The following NFATC1 variants were observed in gnomAD, a reference collection of about 807,000 sequenced individuals.
The protein encoded by NFATC1 is nuclear factor of activated T-cells, cytoplasmic 1.
NFATC1 carries 22 observed loss-of-function variants against 76.0 expected under a neutral mutation model. The observed-to-expected ratio is 0.29, with a 90% confidence interval of 0.21 to 0.41. The LOEUF (loss-of-function observed/expected upper bound fraction) is 0.41. Ranked by LOEUF, NFATC1 falls within the 10% of genes least tolerant of loss-of-function variation. NFATC1 has a pLI of 1.00. For synonymous variants in NFATC1, 704 were observed against 613.1 expected (o/e 1.15, Z -2.19); for missense variants, 1,357 against 1,337.7 (o/e 1.01, Z -0.23).
intron 9 of NFATC1, among the ~76,000 whole-genome samples, chr18:79,503,575 G>A (rs960729213): frequency 2.0e-5 from 3 of 152,178 alleles, no homozygotes; most frequent in African/African-American, 7.2e-5. Context: ...TGGCGCACAG[G>A]CAGAGGAGAT....
At position 79,528,900 on chromosome 18, in the gene NFATC1, T is replaced by G. The variant is rs1473212645; in HGVS notation, c.*1323T>G. On this transcript the variant is annotated 3_prime_UTR_variant, in exon 10 of 10. Coordinates refer to ENST00000427363, the MANE Select transcript of NFATC1 (RefSeq NM_001278669.2). ...TGTTCCATATAACCAAAAAGCATGGTTTATTCATTGAAACACGGTTGACCT... is the reference window on the plus strand; with the variant it reads ...TGTTCCATATAACCAAAAAGCATGGGTTATTCATTGAAACACGGTTGACCT... The G allele has an allele frequency of 6.6e-6, 1 of 152,636 alleles. No homozygotes were observed. The highest frequency in any genetic ancestry group is 1.5e-5 in the Non-Finnish European group (1 of 68,046). 9.5% of individuals were successfully genotyped at this position (152,636 alleles called of 1,614,324 possible). A position where few individuals can be genotyped will look rare whatever the true frequency, so the allele number is the denominator to read the frequency against.
Position 79,486,237 on chromosome 18 carries a change from CCTT to C in NFATC1, c.2093-8_2093-6del. 6.3e-7 allele frequency: 1 copy of C among 1,575,588 alleles called. No homozygotes were observed. The highest frequency in any genetic ancestry group is 8.6e-7 in the Non-Finnish European group (1 of 1,159,646). The stretch of plus-strand genomic sequence containing the variant: ...CTTGTGTTTATTTAATTTTTTTTTT[CCTT>C]CTCACAGTTCCAATTATAAAAACAG... On this transcript the variant is annotated splice_polypyrimidine_tract_variant and splice_region_variant and intron_variant, in intron 8 of 9. Coordinates refer to ENST00000427363, the MANE Select transcript of NFATC1 (RefSeq NM_001278669.2).
chr18:79,406,893 G>A (rs1487493623), intron 1 of NFATC1, among the ~76,000 whole-genome samples: 1 of 152,190 alleles, frequency 6.6e-6, no homozygotes, highest in Admixed American at 6.5e-5. Flanking sequence ...ATGCGGGGCA[G>A]ACGTCAGGGC....
chr18:79,456,243 G>A (rs911433553), intron 6 of NFATC1, among the ~76,000 whole-genome samples: 5 of 152,216 alleles, frequency 3.3e-5, no homozygotes, highest in Admixed American at 1.3e-4. Flanking sequence ...GTCCTATGCC[G>A]GGACACACAC....
chr18:79,510,265 G>A (rs1341395630), intron 9 of NFATC1, among the ~76,000 whole-genome samples: 2 of 152,082 alleles, frequency 1.3e-5, no homozygotes, highest in African/African-American at 4.8e-5. Flanking sequence ...GGGATGGGAC[G>A]GATTCCACTT....
In NFATC1 at chr18:79,487,539, C is replaced by G. The variant is rs73969681; in HGVS notation, c.2782+602C>G. Among the ~76,000 whole-genome samples, 1,176 of 152,322 alleles carry G rather than the reference C, an allele frequency of 7.7e-3. 16 individuals are homozygous for G. The highest frequency in any genetic ancestry group is 0.026 in the African/African-American group (1,072 of 41,572). On this transcript the variant is annotated intron_variant, in intron 9 of 9. Coordinates refer to ENST00000427363, the MANE Select transcript of NFATC1 (RefSeq NM_001278669.2). ...ATCTAGCCCCTGGGCTCGCACAGCG[C>G]GGAGATGCACCCAACACCGCACACC...
chr18:79,414,625 T>C (rs1483580015), intron 2 of NFATC1, among the ~76,000 whole-genome samples: 1 of 152,172 alleles, frequency 6.6e-6, no homozygotes, highest in Admixed American at 6.5e-5. Context: ...TTTGGAGCCA[T>C]TTTAGAGCTC....
intron 3 of NFATC1, among the ~76,000 whole-genome samples, chr18:79,443,592 A>G (rs306871): frequency 0.54 from 82,080 of 152,000 alleles, 23,126 homozygotes; most frequent in African/African-American, 0.72. Context: ...TTGCTATGTA[A>G]CCTCCGCCGT....
intron 4 of NFATC1, among the ~76,000 whole-genome samples, chr18:79,450,679 G>C (rs1250498394): frequency 6.6e-6 from 1 of 152,196 alleles, no homozygotes; most frequent in African/African-American, 2.4e-5. Context: ...CTGGAGGCTG[G>C]AGGAAGGTGG....
intron 2 of NFATC1, among the ~76,000 whole-genome samples, chr18:79,418,955 A>G (rs1052177349): frequency 1.9e-4 from 29 of 152,094 alleles, no homozygotes; most frequent in African/African-American, 4.3e-4. Context: ...TACTCTGTCC[A>G]TGTCTGTTGT....
intron 9 of NFATC1, among the ~76,000 whole-genome samples, chr18:79,493,998 A>G (rs1162159160): frequency 1.3e-5 from 2 of 151,402 alleles, no homozygotes; most frequent in East Asian, 3.9e-4. Context: ...GTCCAGCCCC[A>G]GGCCCGGAGC....
At chr18:79,504,824 T>C (rs1478450567) in intron 9 of NFATC1, among the ~76,000 whole-genome samples, 20 of 147,678 alleles carry the variant, frequency 1.4e-4, no homozygotes, top group African/African-American at 4.6e-4. Context: ...GGCAGGAGAC[T>C]GCTGTGTGGG....
chr18:79,446,658 G>A (rs561047187), intron 3 of NFATC1, among the ~76,000 whole-genome samples: 5 of 152,178 alleles, frequency 3.3e-5, no homozygotes, highest in South Asian at 4.2e-4. Context: ...AGCGTCCCCC[G>A]TCCTGACTGT....
Position 79,521,952 on chromosome 18 carries a change from G to T in NFATC1, c.2783-5576G>T, listed in dbSNP as rs1269023975. Among the ~76,000 whole-genome samples, 69 of 113,958 alleles carry T rather than the reference G, an allele frequency of 6.1e-4. 1 individual carries two copies. The highest frequency in any genetic ancestry group is 5.4e-3 in the Middle Eastern group (1 of 184). 74.8% of individuals were successfully genotyped at this position (113,958 alleles called of 152,430 possible). On this transcript the variant is annotated intron_variant, in intron 9 of 9. Coordinates refer to ENST00000427363, the MANE Select transcript of NFATC1 (RefSeq NM_001278669.2). ...TGCTGATGTGTGTGTTTTGTGTGTGGGAGGTTGTCTGCTGTGTGTGGGGAG... is the reference window on the plus strand; with the variant it reads ...TGCTGATGTGTGTGTTTTGTGTGTGTGAGGTTGTCTGCTGTGTGTGGGGAG...
chr18:79,520,558 A>T (rs1043047141), intron 9 of NFATC1, among the ~76,000 whole-genome samples: 9 of 124,346 alleles, frequency 7.2e-5, no homozygotes, highest in Non-Finnish European at 6.7e-5. Flanking sequence ...ATCCACCACT[A>T]ATGTGTGTCC....
At chr18:79,476,376 C>T (rs576087212) in intron 8 of NFATC1, among the ~76,000 whole-genome samples, 7 of 152,362 alleles carry the variant, frequency 4.6e-5, no homozygotes, top group African/African-American at 7.2e-5. Context: ...GCAGCGCGGG[C>T]GAGGATTGGC....
chr18:79,512,174 G>A (rs561076587), intron 9 of NFATC1, among the ~76,000 whole-genome samples: 56 of 151,826 alleles, frequency 3.7e-4, no homozygotes, highest in African/African-American at 1.0e-3. Flanking sequence ...CCCAGGACAC[G>A]GCCTCGCCCC....
chr18:79,489,285 GA>G (rs2089609453), intron 9 of NFATC1, among the ~76,000 whole-genome samples: 1 of 152,218 alleles, frequency 6.6e-6, no homozygotes, highest in African/African-American at 2.4e-5. Flanking sequence ...ACATGGAGGG[GA>G]TGGGTCTTGG....
At chr18:79,511,013 T>C (rs1345812152) in intron 9 of NFATC1, among the ~76,000 whole-genome samples, 1 of 152,194 alleles carries the variant, frequency 6.6e-6, no homozygotes, top group African/African-American at 2.4e-5. Flanking sequence ...GAGTGGTCGC[T>C]GGCGAGGCCT....
Sources: allele counts gnomAD v4.1 joint callset (sites outside exome capture counted in the v4.1 genomes callset), GRCh38; gene constraint gnomAD v4.1.1; transcripts MANE v1.5; gene names NCBI Gene and HGNC (gene_info 2026-07-23, HGNC 2026-07-21).